Variants in RAPGEF6 observed in about 807,000 individuals in gnomAD.
RAPGEF6 encodes Rap guanine nucleotide exchange factor 6.
RAPGEF6 carries 56 observed loss-of-function variants against 171.4 expected under a neutral mutation model. That is an observed-to-expected ratio of 0.33 (90% CI 0.26 to 0.41). The LOEUF (loss-of-function observed/expected upper bound fraction) is 0.41, where lower values mean the gene tolerates loss of function less well. RAPGEF6 is among the 10% of genes least tolerant of loss of function. The pLI, the probability that RAPGEF6 is intolerant of heterozygous loss-of-function variation, is 1.00. For missense variants in RAPGEF6, 1,674 were observed against 1,921.4 expected (o/e 0.87, Z 2.41); for synonymous variants, 692 against 650.1 (o/e 1.06, Z -0.98).
At chr5:131,536,745 C>A (rs1461331310) in intron 6 of RAPGEF6, among the ~76,000 whole-genome samples, 1 of 152,156 alleles carries the variant, frequency 6.6e-6, no homozygotes, top group Non-Finnish European at 1.5e-5. Context: ...CACTGCGTAT[C>A]AAGCATCTTC....
intron 5 of RAPGEF6, among the ~76,000 whole-genome samples, chr5:131,557,856 A>C (rs1007128921): frequency 2.0e-5 from 3 of 152,180 alleles, no homozygotes; most frequent in African/African-American, 7.2e-5. Flanking sequence ...ACTAAATTCA[A>C]TGTAGTCATG....
intron 26 of RAPGEF6, among the ~76,000 whole-genome samples, chr5:131,430,328 A>AT (rs35713632): frequency 6.6e-6 from 1 of 152,180 alleles, no homozygotes; most frequent in Non-Finnish European, 1.5e-5. Context: ...TAAAAAAAAA[A>AT]GTTTACTAAG....
intron 14 of RAPGEF6, among the ~76,000 whole-genome samples, chr5:131,491,631 C>T (rs1183793782): frequency 6.6e-6 from 1 of 152,156 alleles, no homozygotes; most frequent in African/African-American, 2.4e-5. Context: ...CTGACCTCCA[C>T]CTCCTGTTAA....
intron 23 of RAPGEF6, among the ~76,000 whole-genome samples, chr5:131,441,537 CCCTATCTTA>C (rs1752384437): frequency 6.6e-6 from 1 of 152,148 alleles, no homozygotes. Flanking sequence ...TCTTCTGAAG[CCCTATCTTA>C]CCTCTGTCTA....
At chr5:131,577,234 C>A (rs1468248040) in intron 4 of RAPGEF6, among the ~76,000 whole-genome samples, 1 of 152,178 alleles carries the variant, frequency 6.6e-6, no homozygotes, top group Admixed American at 6.5e-5. Flanking sequence ...TCTCCCAGGC[C>A]TTCGGCATCC....
chr5:131,599,234 T>C (rs1287271045), intron 3 of RAPGEF6, among the ~76,000 whole-genome samples: 1 of 151,890 alleles, frequency 6.6e-6, no homozygotes, highest in African/African-American at 2.4e-5. Context: ...GGCTGAGGCA[T>C]GAGAATCGCT....
chr5:131,564,361 A>C (rs1370220199), intron 4 of RAPGEF6, among the ~76,000 whole-genome samples: 5 of 152,224 alleles, frequency 3.3e-5, no homozygotes, highest in Non-Finnish European at 7.3e-5. Context: ...AGAGTCACAG[A>C]GGAAAGACGA....
intron 15 of RAPGEF6, among the ~76,000 whole-genome samples, chr5:131,482,029 T>C (rs1206209892): frequency 6.6e-6 from 1 of 152,164 alleles, no homozygotes; most frequent in African/African-American, 2.4e-5. Flanking sequence ...GCCTTAAGAA[T>C]GGATTAAAAT....
At position 131,495,645 on chromosome 5, in the gene RAPGEF6, A is replaced by C; in HGVS notation, c.1435T>G (p.Leu479Val). 6.2e-7 allele frequency: 1 copy of C among 1,613,336 alleles called. No individual in the cohort carries two copies. The highest frequency in any genetic ancestry group is 8.5e-7 in the Non-Finnish European group (1 of 1,179,580). ...SLRDKVTRIV[L>V]LWVNNHFNDF... is the part of the protein sequence containing the mutation. ...TTAAAATGATTATTTACCCATAATA[A>C]TACAATCCGTGTCACCTGTGGAAAC... is the stretch of plus-strand genomic sequence containing the variant. Residue 479 changes from leucine to valine, a missense_variant, in exon 13 of 28, where the codon TTA becomes GTA. Physicochemically the swap from Leu to Val is conservative, Grantham distance 32 (BLOSUM62 1). Coordinates refer to ENST00000509018, the MANE Select transcript of RAPGEF6 (RefSeq NM_016340.6).
At chr5:131,570,592 G>T (rs1020873887) in intron 4 of RAPGEF6, among the ~76,000 whole-genome samples, 3 of 152,050 alleles carry the variant, frequency 2.0e-5, no homozygotes, top group Non-Finnish European at 2.9e-5. Context: ...ACAAAATGCA[G>T]TATCAACAAT....
chr5:131,427,187 A>AATG lies in RAPGEF6; in HGVS notation c.*76_*78dup. 1 of 1,346,844 alleles carries AATG rather than the reference A, an allele frequency of 7.4e-7. No homozygotes were observed. Among genetic ancestry groups the AATG allele is most frequent in the East Asian group, 2.3e-5 (1 of 43,608 alleles). 83.4% of individuals were successfully genotyped at this position (1,346,844 alleles called of 1,614,324 possible). A position where few individuals can be genotyped will look rare whatever the true frequency, so the allele number is the denominator to read the frequency against. On this transcript the variant is annotated 3_prime_UTR_variant, in exon 28 of 28. Transcript: ENST00000509018. ...TTGTAGCAATGAGCTGTTCGTTAGC[A>AATG]ATGGCCTGCAGAATCATGAGGTGGT...
chr5:131,622,715 T>C (rs1439458770), intron 1 of RAPGEF6, among the ~76,000 whole-genome samples: 1 of 152,116 alleles, frequency 6.6e-6, no homozygotes, highest in African/African-American at 2.4e-5. Context: ...GATCTAACAT[T>C]CCCCTTCTAT....
chr5:131,428,160 A>G (rs1001300857), intron 27 of RAPGEF6, among the ~76,000 whole-genome samples: 3 of 152,078 alleles, frequency 2.0e-5, no homozygotes, highest in Non-Finnish European at 4.4e-5. Context: ...TATAATCCCA[A>G]CACTTTCGGA....
intron 6 of RAPGEF6, among the ~76,000 whole-genome samples, chr5:131,537,974 T>A (rs909346484): frequency 3.3e-5 from 5 of 152,068 alleles, no homozygotes; most frequent in Non-Finnish European, 7.4e-5. Flanking sequence ...GTGCCTATAA[T>A]CCCAGCTACT....
chr5:131,592,705 ATAAAG>A (rs2150003732), intron 3 of RAPGEF6, among the ~76,000 whole-genome samples: 1 of 152,344 alleles, frequency 6.6e-6, no homozygotes, highest in South Asian at 2.1e-4. Context: ...CTTAAAGTGA[ATAAAG>A]TATTTTGGAA....
intron 4 of RAPGEF6, among the ~76,000 whole-genome samples, chr5:131,567,072 C>T (rs889964631): frequency 7.0e-6 from 1 of 143,828 alleles, no homozygotes. Context: ...CCAGCCTGGG[C>T]GACAAGAGCA....
At chr5:131,533,479 A>G (rs1469902288) in intron 6 of RAPGEF6, among the ~76,000 whole-genome samples, 1 of 152,090 alleles carries the variant, frequency 6.6e-6, no homozygotes, top group African/African-American at 2.4e-5. Flanking sequence ...CAGATGTCAC[A>G]TGTATTTGTT....
intron 1 of RAPGEF6, among the ~76,000 whole-genome samples, chr5:131,629,217 C>T (rs1460483056): frequency 6.6e-6 from 1 of 152,244 alleles, no homozygotes; most frequent in African/African-American, 2.4e-5. Flanking sequence ...TGGTGACTCA[C>T]GCCTGTAATC....
intron 13 of RAPGEF6, among the ~76,000 whole-genome samples, chr5:131,494,091 C>A (rs754786732): frequency 6.6e-6 from 1 of 152,182 alleles, no homozygotes; most frequent in Non-Finnish European, 1.5e-5. Flanking sequence ...GTTTTGTGTA[C>A]AGACTGTTAT....
Sources: allele counts gnomAD v4.1 joint callset (sites outside exome capture counted in the v4.1 genomes callset), GRCh38; gene constraint gnomAD v4.1.1; transcripts MANE v1.5; gene names NCBI Gene and HGNC (gene_info 2026-07-23, HGNC 2026-07-21).